The following EXOC1L variants were observed in gnomAD, a reference collection of about 807,000 sequenced individuals.
The protein encoded by EXOC1L is exocyst complex component 1 like, also known as exocyst complex component 1-like.
Under a neutral mutation model 4.9 loss-of-function variants are expected in EXOC1L, and 10 were observed. The ratio of observed to expected loss-of-function variants is 2.02; its 90% CI spans 1.25 to 3.43. The LOEUF is 3.43. Ranked by LOEUF, EXOC1L falls within the 30% of genes most tolerant of loss-of-function variation. EXOC1L has a pLI of 0.00. For missense variants in EXOC1L, 114 were observed against 59.4 expected, an observed-to-expected ratio of 1.92 and a Z score of -3.02; for synonymous variants, 41 against 20.8, an observed-to-expected ratio of 1.97 and a Z score of -2.63.
chr4:55,837,119 T>C lies in EXOC1L; in HGVS notation c.287T>C (p.Val96Ala), dbSNP rs1720184141. The C allele has an allele frequency of 1.4e-6, 1 of 701,164 alleles. No homozygotes were observed. Among genetic ancestry groups the C allele is most frequent in the Non-Finnish European group, 2.6e-6 (1 of 383,906 alleles). The allele number at this position is 701,164 out of a possible 1,614,324, so 43.4% of individuals were successfully genotyped here. A position where few individuals can be genotyped will look rare whatever the true frequency, so the allele number is the denominator to read the frequency against. ...TTTTTTGATCTGCACTTCAAGAAAG[T>C]GTACAGTTTGGAAGCATATAGCTGT... ...NPFFDLHFKK[V>A]YSLEAYSCAS... Residue 96 changes from valine (V) to alanine (A), a missense_variant, in exon 3 of 3, where the codon GTG (valine) becomes GCG (alanine). By Grantham distance (64) the Val-to-Ala change is moderately conservative (BLOSUM62 0). Transcript: ENST00000636125.
In EXOC1L at chr4:55,831,330, A is replaced by G. The variant is rs1720024564; in HGVS notation, c.122-4A>G. The stretch of plus-strand genomic sequence containing the variant: ...TGTAAACTAAGTATTTTTCTGTCCT[A>G]CAGTGACCAAAAAGGAAGAAGTAAA... On this transcript the variant is annotated splice_polypyrimidine_tract_variant and splice_region_variant and intron_variant, in intron 1 of 2. Transcript: ENST00000636125. The G allele has an allele frequency of 1.6e-6, 1 of 644,044 alleles. No homozygotes were observed. The highest frequency in any genetic ancestry group is 2.8e-6 in the Non-Finnish European group (1 of 360,898). 39.9% of individuals were successfully genotyped at this position (644,044 alleles called of 1,614,324 possible).
rs764010288 is a variant in EXOC1L, at chr4:55,837,216, C to T, written c.384C>T (p.Ile128=). 2.4e-5 allele frequency: 17 copies of T among 701,848 alleles called. No homozygotes were observed. The highest frequency in any genetic ancestry group is 3.6e-5 in the Non-Finnish European group (14 of 384,322). The allele number at this position is 701,848 out of a possible 1,614,324, so 43.5% of individuals were successfully genotyped here. Residue 128 remains isoleucine (I), a synonymous_variant, in exon 3 of 3, where the codon ATC becomes ATT. Transcript: ENST00000636125. ...NHAYLKKDLQ[I]VNFDSTYIND... is the part of the protein sequence containing the mutation. ...CATATCTTAAAAAGGACTTACAGAT[C>T]GTGAACTTTGATTCTACATACATTA...
intron 1 of EXOC1L, among the ~76,000 whole-genome samples, chr4:55,828,801 C>T (rs1406312544): frequency 6.6e-6 from 1 of 152,152 alleles, no homozygotes; most frequent in Non-Finnish European, 1.5e-5. Flanking sequence ...CATGATCATG[C>T]CACTGTACTC....
chr4:55,837,426 G>A lies in EXOC1L; in HGVS notation c.*75G>A, dbSNP rs1720200660. ...AGTAAATATTGATTGTCATAATTTT[G>A]TTTTTCCTTCATCAGTGATTATTAT... On this transcript the variant is annotated 3_prime_UTR_variant, in exon 3 of 3. Transcript: ENST00000636125. 4.6e-6 allele frequency: 2 copies of A among 436,382 alleles called. No individual in the cohort carries two copies. The highest frequency in any genetic ancestry group is 8.1e-6 in the Non-Finnish European group (2 of 247,102). The allele number at this position is 436,382 out of a possible 1,614,324, so 27.0% of individuals were successfully genotyped here. A position where few individuals can be genotyped will look rare whatever the true frequency, so the allele number is the denominator to read the frequency against.
At chr4:55,826,085 CA>C (rs34455273) in intron 1 of EXOC1L, among the ~76,000 whole-genome samples, 6,954 of 78,548 alleles carry the variant, frequency 0.089, 201 homozygotes, top group Non-Finnish European at 0.13. Context: ...AACTCCATCT[CA>C]AAAAAAAAAA....
rs759705408 is a variant in EXOC1L, at chr4:55,837,114, G to A, written c.282G>A (p.Lys94=). 4.9e-5 allele frequency: 34 copies of A among 700,600 alleles called. No homozygotes were observed. Among genetic ancestry groups the A allele is most frequent in the African/African-American group, 8.8e-5 (5 of 57,132 alleles). 43.4% of individuals were successfully genotyped at this position (700,600 alleles called of 1,614,324 possible). ...TDNPFFDLHF[K]KVYSLEAYSC... ...ATCCATTTTTTGATCTGCACTTCAAGAAAGTGTACAGTTTGGAAGCATATA... is the reference window on the plus strand; with the variant it reads ...ATCCATTTTTTGATCTGCACTTCAAAAAAGTGTACAGTTTGGAAGCATATA... Residue 94 remains lysine, a synonymous_variant, in exon 3 of 3, where the codon AAG becomes AAA. Transcript: ENST00000636125.
In EXOC1L at chr4:55,837,199, A is replaced by G. The variant is rs914647584; in HGVS notation, c.367A>G (p.Lys123Glu). 1.3e-5 allele frequency: 9 copies of G among 701,928 alleles called. No homozygotes were observed. The highest frequency in any genetic ancestry group is 2.3e-5 in the Non-Finnish European group (9 of 384,330). The allele number at this position is 701,928 out of a possible 1,614,324, so 43.5% of individuals were successfully genotyped here. The stretch of plus-strand genomic sequence containing the variant: ...AAATAAGCTGAATCATGCATATCTT[A>G]AAAAGGACTTACAGATCGTGAACTT... ...TVNKLNHAYL[K>E]KDLQIVNFDS... is the part of the protein sequence containing the mutation. The change falls in exon 3 of 3, where the codon AAA becomes GAA. Residue 123 changes from lysine to glutamate, a missense_variant. By Grantham distance (56) the Lys-to-Glu change is moderately conservative. Transcript: ENST00000636125.
chr4:55,824,616 C>A (rs1719836102), intron 1 of EXOC1L, among the ~76,000 whole-genome samples: 1 of 152,112 alleles, frequency 6.6e-6, no homozygotes, highest in Non-Finnish European at 1.5e-5. Flanking sequence ...CTGCCTCAGC[C>A]TCCCAAAGTG....
intron 1 of EXOC1L, among the ~76,000 whole-genome samples, chr4:55,823,990 G>T (rs531034499): frequency 2.0e-5 from 3 of 151,926 alleles, no homozygotes; most frequent in African/African-American, 7.3e-5. Context: ...TATTCTCTAC[G>T]TTAAAAAATA....
At chr4:55,835,614 T>G (rs1221888518) in intron 2 of EXOC1L, among the ~76,000 whole-genome samples, 2 of 152,062 alleles carry the variant, frequency 1.3e-5, no homozygotes, top group Non-Finnish European at 2.9e-5. Context: ...TTAGTGATAT[T>G]GAGCATTTTT....
At chr4:55,837,031 A>G (rs1384662894) in intron 2 of EXOC1L, 54 bp from the exon 3 acceptor site, 1 of 617,596 alleles carries the variant, frequency 1.6e-6, no homozygotes, top group African/African-American at 1.8e-5. Flanking sequence ...GAATCCAGGA[A>G]ACCTAACTAC....
At chr4:55,826,519 A>C (rs1719890536) in intron 1 of EXOC1L, among the ~76,000 whole-genome samples, 1 of 152,256 alleles carries the variant, frequency 6.6e-6, no homozygotes, top group Non-Finnish European at 1.5e-5. Context: ...TAATTCTGAA[A>C]ATGCTGACTA....
At chr4:55,830,079 C>G (rs1204420574) in intron 1 of EXOC1L, among the ~76,000 whole-genome samples, 3 of 152,206 alleles carry the variant, frequency 2.0e-5, no homozygotes, top group East Asian at 3.8e-4. Context: ...AGCCCCATCT[C>G]AAATTCTATT....
At chr4:55,829,924 C>T (rs2110283553) in intron 1 of EXOC1L, among the ~76,000 whole-genome samples, 1 of 152,288 alleles carries the variant, frequency 6.6e-6, no homozygotes, top group South Asian at 2.1e-4. Context: ...ATCCTACTGC[C>T]CACATGTCTT....
At chr4:55,836,642 C>T (rs1720172466) in intron 2 of EXOC1L, among the ~76,000 whole-genome samples, 1 of 151,962 alleles carries the variant, frequency 6.6e-6, no homozygotes, top group Non-Finnish European at 1.5e-5. Context: ...TGATCTGTAG[C>T]ATGCCAATGG....
intron 2 of EXOC1L, 32 bp downstream of exon 2, chr4:55,831,496 A>G (rs1720031688): frequency 3.0e-6 from 2 of 662,284 alleles, no homozygotes; most frequent in Non-Finnish European, 5.4e-6. Context: ...GAGATGTGGA[A>G]TCAATATGCT....
intron 1 of EXOC1L, among the ~76,000 whole-genome samples, chr4:55,828,394 A>G (rs1446527838): frequency 3.3e-5 from 5 of 152,198 alleles, no homozygotes; most frequent in Non-Finnish European, 7.3e-5. Flanking sequence ...ATTGTCTCCA[A>G]ACCTTTAAAC....
At chr4:55,825,148 T>G (rs566438427) in intron 1 of EXOC1L, among the ~76,000 whole-genome samples, 3 of 152,366 alleles carry the variant, frequency 2.0e-5, no homozygotes, top group South Asian at 4.1e-4. Flanking sequence ...ACCATTTATA[T>G]GCTTTATTCC....
In EXOC1L at chr4:55,837,124, A is replaced by C; in HGVS notation, c.292A>C (p.Ser98Arg). 1 of 701,282 alleles carries C rather than the reference A, an allele frequency of 1.4e-6. No individual in the cohort carries two copies. Among genetic ancestry groups the C allele is most frequent in the East Asian group, 2.7e-5 (1 of 37,236 alleles). 43.4% of individuals were successfully genotyped at this position (701,282 alleles called of 1,614,324 possible). Residue 98 changes from serine (S) to arginine (R), a missense_variant, in exon 3 of 3, where the codon AGT (serine) becomes CGT (arginine). Ser to Arg is a moderately radical substitution (Grantham distance 110). Transcript: ENST00000636125. ...TGATCTGCACTTCAAGAAAGTGTAC[A>C]GTTTGGAAGCATATAGCTGTGCTTC... ...FFDLHFKKVY[S>R]LEAYSCASKY...
Sources: gnomAD v4.1 joint callset for allele counts (sites outside exome capture counted in the v4.1 genomes callset) on GRCh38, gnomAD v4.1.1 for gene constraint, MANE v1.5 for transcripts, NCBI Gene and HGNC (gene_info 2026-07-23, HGNC 2026-07-21) for gene names.